LHFPL2: variants seen among roughly 807,000 people sequenced by gnomAD.
LHFPL2 encodes LHFPL tetraspan subfamily member 2.
LHFPL2 carries 7 observed loss-of-function variants against 17.5 expected under a neutral mutation model. The observed-to-expected ratio is 0.40, with a 90% CI of 0.23 to 0.75. LHFPL2 has a LOEUF of 0.75. LHFPL2 is among the 30% of genes least tolerant of loss of function. The probability of loss-of-function intolerance (pLI) is 0.37; values close to 1 mark genes in which losing one functional copy is unlikely to be tolerated. For missense variants in LHFPL2, 241 were observed against 294.8 expected (o/e 0.82, Z 1.34); for synonymous variants, 134 against 116.2 (o/e 1.15, Z -0.99).
At chr5:78,538,054 A>T (rs1561328534) in intron 3 of LHFPL2, among the ~76,000 whole-genome samples, 1 of 152,126 alleles carries the variant, frequency 6.6e-6, no homozygotes, top group Non-Finnish European at 1.5e-5. Context: ...GCTGCCTTAG[A>T]ATCTTCTCAA....
intron 2 of LHFPL2, among the ~76,000 whole-genome samples, chr5:78,630,484 T>G (rs184078090): frequency 3.3e-4 from 51 of 152,272 alleles, no homozygotes; most frequent in African/African-American, 1.2e-3. Flanking sequence ...GACTAGACAT[T>G]CTTGGGCAAA....
chr5:78,607,370 C>T (rs1744255623), intron 2 of LHFPL2, among the ~76,000 whole-genome samples: 1 of 152,226 alleles, frequency 6.6e-6, no homozygotes, highest in Non-Finnish European at 1.5e-5. Context: ...CCTTCGGCCT[C>T]CCAAAGTGCT....
chr5:78,644,067 G>C (rs1561379757), intron 1 of LHFPL2, among the ~76,000 whole-genome samples: 2 of 152,008 alleles, frequency 1.3e-5, no homozygotes, highest in African/African-American at 2.4e-5. Flanking sequence ...ATCTCAAAAG[G>C]AAAATAAAAT....
At chr5:78,566,793 T>C (rs1561342326) in intron 2 of LHFPL2, among the ~76,000 whole-genome samples, 1 of 152,238 alleles carries the variant, frequency 6.6e-6, no homozygotes, top group Non-Finnish European at 1.5e-5. Context: ...CTTTGTTAAC[T>C]TAATTACTTG....
At chr5:78,495,059 C>G (rs1293353651) in intron 4 of LHFPL2, among the ~76,000 whole-genome samples, 1 of 152,152 alleles carries the variant, frequency 6.6e-6, no homozygotes, top group Non-Finnish European at 1.5e-5. Flanking sequence ...TAATCAAATC[C>G]CTTAGGTGGG....
intron 2 of LHFPL2, among the ~76,000 whole-genome samples, chr5:78,611,222 C>T (rs1456070820): frequency 6.6e-6 from 1 of 152,204 alleles, no homozygotes; most frequent in African/African-American, 2.4e-5. Context: ...CAGCACGCGT[C>T]CCCAGGCAGA....
intron 2 of LHFPL2, among the ~76,000 whole-genome samples, chr5:78,571,652 C>G (rs1184262132): frequency 2.0e-5 from 3 of 152,182 alleles, no homozygotes; most frequent in Non-Finnish European, 4.4e-5. Flanking sequence ...GATATTCATA[C>G]TCATCCCTTG....
chr5:78,524,836 T>A (rs1327015271), intron 3 of LHFPL2, among the ~76,000 whole-genome samples: 1 of 152,184 alleles, frequency 6.6e-6, no homozygotes, highest in Non-Finnish European at 1.5e-5. Flanking sequence ...CAGTTACATA[T>A]TTTTCTCCCT....
intron 1 of LHFPL2, among the ~76,000 whole-genome samples, chr5:78,641,528 A>C (rs2060583132): frequency 6.6e-6 from 1 of 152,130 alleles, no homozygotes; most frequent in Admixed American, 6.6e-5. Flanking sequence ...AGTTAGTTTG[A>C]CTGAACTTCC....
At position 78,486,678 on chromosome 5, in the gene LHFPL2, T is replaced by TAAAC. The variant is rs1491005760; in HGVS notation, c.*2215_*2218dup. The TAAAC allele has an allele frequency of 6.6e-6, 1 of 152,096 alleles. No homozygotes were observed. Among genetic ancestry groups the TAAAC allele is most frequent in the African/African-American group, 2.4e-5 (1 of 41,310 alleles). 9.4% of individuals were successfully genotyped at this position (152,096 alleles called of 1,614,324 possible). On this transcript the variant is annotated 3_prime_UTR_variant, in exon 5 of 5. Transcript: ENST00000380345. Reference sequence around the variant, plus strand: ...TTCTGTTGCATTCAGATTAATAACATAAACACTATCGAGTGAGTTTATTAT... The same window carrying TAAAC: ...TTCTGTTGCATTCAGATTAATAACATAAACAAACACTATCGAGTGAGTTTATTAT...
rs531032573 is a variant in LHFPL2 at position 78,622,333 on chromosome 5, C to T, written c.-245+9931G>A. Among the ~76,000 whole-genome samples, 78 of 152,336 alleles carry T rather than the reference C, an allele frequency of 5.1e-4. 1 individual carries two copies. In the South Asian group the frequency reaches 0.016, roughly 31 times the overall value. On this transcript the variant is annotated intron_variant, in intron 2 of 4. Transcript: ENST00000380345. ...ACTCAAAGCAGACTCCCTCCTATTA[C>T]GATAGCAGCGCCAATGACTACTTAC...
chr5:78,489,667 GCCAACTTGTTA>G lies in LHFPL2; in HGVS notation c.431-525_431-515del, dbSNP rs1314459796. Among the ~76,000 whole-genome samples, 6 of 152,176 alleles carry G rather than the reference GCCAACTTGTTA, an allele frequency of 3.9e-5. No homozygotes were observed. In the East Asian group the frequency reaches 1.2e-3, roughly 29 times the overall value. On this transcript the variant is annotated intron_variant, in intron 4 of 4. Coordinates refer to ENST00000380345, the MANE Select transcript of LHFPL2 (RefSeq NM_005779.3). ...CCCACCTCGGCCTCCACCACGAGTG[GCCAACTTGTTA>G]CTATGTATTCCCACAGGGCTTTTGG...
chr5:78,497,908 A>T, intron 4 of LHFPL2, among the ~76,000 whole-genome samples: 1 of 152,196 alleles, frequency 6.6e-6, no homozygotes, highest in African/African-American at 2.4e-5. Context: ...CACCAGCCTG[A>T]GTCTAGGCTC....
chr5:78,533,320 T>C (rs981190283), intron 3 of LHFPL2, among the ~76,000 whole-genome samples: 5 of 152,238 alleles, frequency 3.3e-5, no homozygotes, highest in Non-Finnish European at 7.3e-5. Flanking sequence ...TGAAGCTCTG[T>C]TCTATCTATT....
At chr5:78,623,948 A>G (rs759120314) in intron 2 of LHFPL2, among the ~76,000 whole-genome samples, 2 of 152,232 alleles carry the variant, frequency 1.3e-5, no homozygotes, top group Non-Finnish European at 2.9e-5. Context: ...GACTATAAGG[A>G]CACTACCACC....
Position 78,620,304 on chromosome 5 carries a change from A to C in LHFPL2, c.-245+11960T>G, listed in dbSNP as rs192778884. ...TGTTTTTTGGCTGCATAAATGTCTT[A>C]TTTTGAGAAGTGTCTGTTCATGTCC... On this transcript the variant is annotated intron_variant, in intron 2 of 4. Transcript: ENST00000380345. 1.2e-3 allele frequency among the ~76,000 whole-genome samples: 180 copies of C among 151,858 alleles called. 2 individuals carry two copies. The highest frequency in any genetic ancestry group is 3.9e-3 in the African/African-American group (160 of 41,412).
At chr5:78,636,523 T>G (rs1745454659) in intron 1 of LHFPL2, among the ~76,000 whole-genome samples, 2 of 152,302 alleles carry the variant, frequency 1.3e-5, no homozygotes, top group South Asian at 4.1e-4. Flanking sequence ...TTCATACAAT[T>G]GTGGAAGGGC....
intron 4 of LHFPL2, among the ~76,000 whole-genome samples, chr5:78,493,234 A>G (rs1287409648): frequency 1.3e-5 from 2 of 152,184 alleles, no homozygotes; most frequent in African/African-American, 4.8e-5. Context: ...CACGAGGTCC[A>G]CAGTGGGAAG....
chr5:78,506,193 A>G (rs947989017), intron 4 of LHFPL2, among the ~76,000 whole-genome samples: 1 of 152,272 alleles, frequency 6.6e-6, no homozygotes, highest in East Asian at 1.9e-4. Flanking sequence ...AACTCAGAAT[A>G]TCAAGATTTT....
Sources: allele counts gnomAD v4.1 joint callset (sites outside exome capture counted in the v4.1 genomes callset), GRCh38; gene constraint gnomAD v4.1.1; transcripts MANE v1.5; gene names NCBI Gene and HGNC (gene_info 2026-07-23, HGNC 2026-07-21).